The following PCDHA5 variants were observed in gnomAD, a reference collection of about 807,000 sequenced individuals.
The protein encoded by PCDHA5 is protocadherin alpha-5.
A neutral mutation model predicts 61.6 loss-of-function variants in PCDHA5; 43 were observed. The ratio of observed to expected loss-of-function variants is 0.70; its 90% confidence interval spans 0.55 to 0.90. The LOEUF is 0.90. PCDHA5 is among the 40% of genes least tolerant of loss of function. The probability of loss-of-function intolerance (pLI) is 0.00; values close to 1 mark genes in which losing one functional copy is unlikely to be tolerated. For missense variants in PCDHA5, 1,298 were observed against 1,222.7 expected (o/e 1.06, Z -0.92); for synonymous variants, 627 against 543.9 (o/e 1.15, Z -2.13).
At chr5:141,002,797 G>A (rs1025670333) in intron 3 of PCDHA5, among the ~76,000 whole-genome samples, 2 of 152,190 alleles carry the variant, frequency 1.3e-5, no homozygotes, top group African/African-American at 4.8e-5. Context: ...TATGGATGAG[G>A]AAACTGAGGC....
At chr5:140,954,119 C>A (rs547590061) in intron 1 of PCDHA5, among the ~76,000 whole-genome samples, 1 of 152,274 alleles carries the variant, frequency 6.6e-6, no homozygotes, top group African/African-American at 2.4e-5. Flanking sequence ...AGATCTTGTT[C>A]CTTTTTATGG....
At chr5:141,005,944 C>T (rs1563696119) in intron 3 of PCDHA5, among the ~76,000 whole-genome samples, 1 of 151,862 alleles carries the variant, frequency 6.6e-6, no homozygotes, top group African/African-American at 2.4e-5. Context: ...GAGAACCTAT[C>T]TCTAACAAAC....
intron 1 of PCDHA5, chr5:140,828,078 C>T (rs1554130999): frequency 5.7e-6 from 9 of 1,577,554 alleles, no homozygotes; most frequent in South Asian, 4.7e-5. Flanking sequence ...GAAATAAAAC[C>T]AGAGGTATTT....
intron 1 of PCDHA5, chr5:140,881,244 C>A (rs1219638908): frequency 4.8e-5 from 19 of 396,890 alleles, no homozygotes; most frequent in Non-Finnish European, 6.2e-5. Context: ...ATTTAAATGA[C>A]GGCAAGGTTT....
At chr5:140,841,756 C>G (rs1777468782) in intron 1 of PCDHA5, 4 of 1,613,854 alleles carry the variant, frequency 2.5e-6, no homozygotes, top group Non-Finnish European at 1.7e-6. Context: ...TTTCAGAATC[C>G]AGAATGCCAG....
chr5:140,851,225 C>G, intron 1 of PCDHA5: 4 of 1,141,878 alleles, frequency 3.5e-6, no homozygotes, highest in Non-Finnish European at 3.3e-6. Context: ...ACATCACTAT[C>G]ATTTATTTAT....
intron 1 of PCDHA5, among the ~76,000 whole-genome samples, chr5:140,951,327 C>T (rs782778063): frequency 5.3e-5 from 8 of 152,026 alleles, no homozygotes; most frequent in Non-Finnish European, 8.8e-5. Context: ...TGAGATTCAT[C>T]ATTCTGTTTG....
chr5:140,899,140 G>A (rs2067159296), intron 1 of PCDHA5, among the ~76,000 whole-genome samples: 1 of 152,090 alleles, frequency 6.6e-6, no homozygotes, highest in Non-Finnish European at 1.5e-5. Flanking sequence ...CTGCAAACAG[G>A]GACAATTTGA....
intron 1 of PCDHA5, chr5:140,876,243 C>A: frequency 6.2e-7 from 1 of 1,613,948 alleles, no homozygotes; most frequent in Non-Finnish European, 8.5e-7. Context: ...ATGTCCAAAA[C>A]GACACAAGAG....
At chr5:140,925,906 G>A (rs1181128933) in intron 1 of PCDHA5, among the ~76,000 whole-genome samples, 1 of 151,830 alleles carries the variant, frequency 6.6e-6, no homozygotes, top group Non-Finnish European at 1.5e-5. Context: ...ATCGTCAAGG[G>A]CCGTTTGCAA....
rs2150385569 is a variant in PCDHA5 at position 140,846,184 on chromosome 5, G to T, written c.2352+22057G>T. 1.3e-5 allele frequency among the ~76,000 whole-genome samples: 2 copies of T among 149,364 alleles called. 1 individual carries two copies. Among genetic ancestry groups the T allele is most frequent in the Non-Finnish European group, 3.0e-5 (2 of 66,864 alleles). ...CCTGCAGAGGCCTGAGTAGGCGTTT[G>T]AGTTCTTTGTATGTATGAGATCTTT... On this transcript the variant is annotated intron_variant, in intron 1 of 3. Coordinates refer to ENST00000529859, the MANE Select transcript of PCDHA5 (RefSeq NM_018908.3).
At chr5:140,978,862 T>C (rs750080921) in intron 1 of PCDHA5, 87 bp from the exon 2 acceptor site, 138 of 1,599,976 alleles carry the variant, frequency 8.6e-5, no homozygotes, top group Non-Finnish European at 1.1e-4. Flanking sequence ...CTGGAAATAT[T>C]TAAGGGAGTA....
intron 1 of PCDHA5, among the ~76,000 whole-genome samples, chr5:140,886,029 T>C (rs1464446627): frequency 1.3e-5 from 2 of 152,180 alleles, no homozygotes; most frequent in Non-Finnish European, 2.9e-5. Context: ...TATTCTTCAC[T>C]AAGTTTTCCC....
chr5:140,944,743 T>A (rs1307968034), intron 1 of PCDHA5, among the ~76,000 whole-genome samples: 2 of 152,238 alleles, frequency 1.3e-5, no homozygotes, highest in East Asian at 3.8e-4. Flanking sequence ...TCTGAGCATT[T>A]ACATGGAAAA....
At chr5:140,841,507 C>T in intron 1 of PCDHA5, 2 of 1,613,396 alleles carry the variant, frequency 1.2e-6, no homozygotes, top group South Asian at 1.1e-5. Flanking sequence ...TGGTGCCGCG[C>T]CTGTTCCGGG....
chr5:140,845,946 A>G (rs1430863915), intron 1 of PCDHA5, among the ~76,000 whole-genome samples: 2 of 149,792 alleles, frequency 1.3e-5, no homozygotes, highest in East Asian at 1.9e-4. Flanking sequence ...CTGTAAAGTC[A>G]TTTTTTAGAT....
chr5:140,977,340 G>T (rs2096757114), intron 1 of PCDHA5, among the ~76,000 whole-genome samples: 1 of 152,198 alleles, frequency 6.6e-6, no homozygotes, highest in African/African-American at 2.4e-5. Context: ...GAGAGACGGT[G>T]ATGATGACTG....
chr5:140,878,047 G>A lies in PCDHA5; in HGVS notation c.2352+53920G>A, dbSNP rs574540860. On this transcript the variant is annotated intron_variant, in intron 1 of 3. Transcript: ENST00000529859. Reference sequence around the variant, plus strand: ...ATGTAGGTACAATGGAGGCCATGGAGCACCACACTTAATATTTTTCTTTTT... The same window carrying A: ...ATGTAGGTACAATGGAGGCCATGGAACACCACACTTAATATTTTTCTTTTT... The A allele has an allele frequency of 1.7e-4, 84 of 491,464 alleles. No homozygotes were observed. In the South Asian group the frequency reaches 4.9e-3, roughly 29 times the overall value. 30.4% of individuals were successfully genotyped at this position (491,464 alleles called of 1,614,324 possible).
Position 140,853,024 on chromosome 5 carries a change from G to A in PCDHA5, c.2352+28897G>A, listed in dbSNP as rs2150527319. On this transcript the variant is annotated intron_variant, in intron 1 of 3. Coordinates refer to ENST00000529859, the MANE Select transcript of PCDHA5 (RefSeq NM_018908.3). ...CTCCCGAGTAGCTGGGACTACAGGC[G>A]CCTGCCACCATGCCCGCCTAATTTT... 4.2e-5 allele frequency: 11 copies of A among 260,054 alleles called. 1 individual carries two copies. The highest frequency in any genetic ancestry group is 2.6e-4 in the African/African-American group (11 of 42,566). 16.1% of individuals were successfully genotyped at this position (260,054 alleles called of 1,614,324 possible).
Sources: allele counts gnomAD v4.1 joint callset (sites outside exome capture counted in the v4.1 genomes callset), GRCh38; gene constraint gnomAD v4.1.1; transcripts MANE v1.5; gene names NCBI Gene and HGNC (gene_info 2026-07-23, HGNC 2026-07-21).